The following MEGF10 variants were observed in gnomAD, a reference collection of about 807,000 sequenced individuals.
The protein encoded by MEGF10 is multiple EGF like domains 10.
MEGF10 carries 86 observed loss-of-function variants against 147.5 expected under a neutral mutation model. The ratio of observed to expected loss-of-function variants is 0.58; its 90% CI spans 0.49 to 0.70. The LOEUF is 0.70. Among genes scored for constraint, MEGF10 ranks in the 30% least tolerant of loss-of-function variants. MEGF10 has a pLI of 0.00. For missense variants in MEGF10, 1,329 were observed against 1,487.3 expected (o/e 0.89, Z 1.75); for synonymous variants, 478 against 525.5 (o/e 0.91, Z 1.24).
intron 18 of MEGF10, 97 bp downstream of exon 18, chr5:127,440,964 C>T (rs528143575): frequency 1.6e-4 from 244 of 1,489,300 alleles, no homozygotes; most frequent in Middle Eastern, 3.6e-4. Flanking sequence ...TTCACCACTC[C>T]GAGGTTGTTT....
upstream of MEGF10, among the ~76,000 whole-genome samples, chr5:127,290,449 C>A (rs1759193402): frequency 6.6e-6 from 1 of 152,184 alleles, no homozygotes; most frequent in Non-Finnish European, 1.5e-5. Flanking sequence ...AGGGACTCTG[C>A]CGAGGGACTT....
chr5:127,309,504 A>C (rs1456276624), intron 1 of MEGF10, among the ~76,000 whole-genome samples: 1 of 152,168 alleles, frequency 6.6e-6, no homozygotes, highest in Admixed American at 6.5e-5. Context: ...TATGAATTTG[A>C]CTACTCTATG....
intron 2 of MEGF10, among the ~76,000 whole-genome samples, chr5:127,333,823 A>G (rs927085305): frequency 6.6e-6 from 1 of 152,186 alleles, no homozygotes; most frequent in African/African-American, 2.4e-5. Flanking sequence ...ACAGATAGAC[A>G]AGGGGCACAT....
At chr5:127,324,574 C>G (rs191950722) in intron 1 of MEGF10, among the ~76,000 whole-genome samples, 1 of 152,116 alleles carries the variant, frequency 6.6e-6, no homozygotes, top group African/African-American at 2.4e-5. Flanking sequence ...CTAGGAAGGT[C>G]GTTCCACTTC....
chr5:127,417,946 A>AAT, intron 10 of MEGF10, 134 bp downstream of exon 10: 1 of 912,664 alleles, frequency 1.1e-6, no homozygotes, highest in East Asian at 2.9e-5. Context: ...AGAGAGAGAA[A>AAT]ATGAGGGGAA....
chr5:127,378,202 A>G (rs1763105369), intron 5 of MEGF10, among the ~76,000 whole-genome samples: 1 of 152,082 alleles, frequency 6.6e-6, no homozygotes, highest in Non-Finnish European at 1.5e-5. Flanking sequence ...CCCTTTCCTC[A>G]TGCTTTGAAC....
chr5:127,297,057 C>T (rs1347351795), intron 1 of MEGF10, among the ~76,000 whole-genome samples: 1 of 152,200 alleles, frequency 6.6e-6, no homozygotes, highest in Non-Finnish European at 1.5e-5. Context: ...ACCTCCGCCT[C>T]TGGGGTTCAA....
intron 1 of MEGF10, among the ~76,000 whole-genome samples, chr5:127,312,270 G>A (rs940873712): frequency 6.6e-6 from 1 of 152,154 alleles, no homozygotes; most frequent in Non-Finnish European, 1.5e-5. Flanking sequence ...GTGGCTTGTG[G>A]GCACCAGGCT....
At chr5:127,295,351 A>G (rs1759446462) in intron 1 of MEGF10, among the ~76,000 whole-genome samples, 1 of 152,202 alleles carries the variant, frequency 6.6e-6, no homozygotes, top group Non-Finnish European at 1.5e-5. Context: ...TCATTTCAAT[A>G]ACAGTTGACC....
At chr5:127,403,776 A>G (rs1364239715) in intron 8 of MEGF10, among the ~76,000 whole-genome samples, 1 of 152,178 alleles carries the variant, frequency 6.6e-6, no homozygotes, top group Non-Finnish European at 1.5e-5. Flanking sequence ...ACTGGATCTC[A>G]TTCTTTTTAT....
At position 127,434,686 on chromosome 5, in the gene MEGF10, G is replaced by T; in HGVS notation, c.1841-1G>T. The T allele has an allele frequency of 6.2e-7, 1 of 1,608,494 alleles. No individual in the cohort carries two copies. Among genetic ancestry groups the T allele is most frequent in the Non-Finnish European group, 8.5e-7 (1 of 1,177,216 alleles). On this transcript the variant is annotated splice_acceptor_variant, in intron 14 of 24. Coordinates refer to ENST00000503335, the MANE Select transcript of MEGF10 (RefSeq NM_001256545.2). LOFTEE classifies it high-confidence loss of function. ...ACTGCTGATTTCCCTTCTGTTTTCA[G>T]TCTGCTCCCCTGGTTTTTATGGGCA...
intron 1 of MEGF10, among the ~76,000 whole-genome samples, chr5:127,310,584 T>C (rs1357478807): frequency 6.6e-6 from 1 of 152,202 alleles, no homozygotes; most frequent in Non-Finnish European, 1.5e-5. Context: ...TGCTCTGAGA[T>C]GTCTCTTTTT....
At chr5:127,253,462 A>G in the MEGF10 span, among the ~76,000 whole-genome samples, 1 of 152,050 alleles carries the variant, frequency 6.6e-6, no homozygotes, top group Non-Finnish European at 1.5e-5. Context: ...AACCAATGCA[A>G]TAGGCTATAT....
chr5:127,388,609 G>A lies in MEGF10; in HGVS notation c.413-7923G>A, dbSNP rs542657934. On this transcript the variant is annotated intron_variant, in intron 5 of 24. Coordinates refer to ENST00000503335, the MANE Select transcript of MEGF10 (RefSeq NM_001256545.2). ...CGCCCAGGCTGGAGTGCAGTGGCGCGATCTCAGCTCACTGCAAACTCCGCC... is the reference window on the plus strand; with the variant it reads ...CGCCCAGGCTGGAGTGCAGTGGCGCAATCTCAGCTCACTGCAAACTCCGCC... Among the ~76,000 whole-genome samples the A allele has an allele frequency of 5.3e-4, 80 of 150,936 alleles. 1 individual carries two copies. The highest frequency in any genetic ancestry group is 1.8e-3 in the African/African-American group (76 of 41,086).
chr5:127,355,762 T>C (rs1762257041), intron 4 of MEGF10, among the ~76,000 whole-genome samples: 1 of 152,198 alleles, frequency 6.6e-6, no homozygotes, highest in Admixed American at 6.5e-5. Context: ...ATTTTATAAA[T>C]AGAAACTAAG....
intron 4 of MEGF10, among the ~76,000 whole-genome samples, chr5:127,351,432 T>C (rs1762086641): frequency 1.3e-5 from 2 of 152,198 alleles, no homozygotes; most frequent in African/African-American, 4.8e-5. Flanking sequence ...TAAATAATAA[T>C]CTTATAATTA....
the MEGF10 span, among the ~76,000 whole-genome samples, chr5:127,231,040 C>T: frequency 6.6e-6 from 1 of 152,090 alleles, no homozygotes; most frequent in African/African-American, 2.4e-5. Flanking sequence ...CTTGGTGACT[C>T]CCCACTACCT....
chr5:127,388,418 G>C (rs1763516406), intron 5 of MEGF10, among the ~76,000 whole-genome samples: 1 of 151,998 alleles, frequency 6.6e-6, no homozygotes, highest in South Asian at 2.1e-4. Flanking sequence ...CAAAGTGCTG[G>C]AATTACAAGC....
At chr5:127,332,894 G>A (rs1392495308) in intron 2 of MEGF10, among the ~76,000 whole-genome samples, 2 of 152,166 alleles carry the variant, frequency 1.3e-5, no homozygotes, top group African/African-American at 2.4e-5. Flanking sequence ...ATAGATTTGG[G>A]ATGGGAGGAA....
Sources: gnomAD v4.1 joint callset for allele counts (sites outside exome capture counted in the v4.1 genomes callset) on GRCh38, gnomAD v4.1.1 for gene constraint, MANE v1.5 for transcripts, NCBI Gene and HGNC (gene_info 2026-07-23, HGNC 2026-07-21) for gene names.